Variants in NAA16 observed in about 807,000 individuals in gnomAD.
The protein encoded by NAA16 is NARG1-like protein.
A neutral mutation model predicts 110.3 loss-of-function variants in NAA16; 97 were observed. The observed-to-expected ratio is 0.88, with a 90% CI of 0.75 to 1.04. The LOEUF (loss-of-function observed/expected upper bound fraction) is 1.04. Among genes scored for constraint, NAA16 ranks in the 50% least tolerant of loss-of-function variants. The pLI is 0.00. For missense variants in NAA16, 1,017 were observed against 1,005.1 expected, an observed-to-expected ratio of 1.01 and a Z score of -0.16; for synonymous variants, 372 against 330.6, an observed-to-expected ratio of 1.13 and a Z score of -1.36.
chr13:41,374,004 C>A, intron 18 of NAA16: 2 of 509,774 alleles, frequency 3.9e-6, no homozygotes, highest in Non-Finnish European at 5.7e-6. Flanking sequence ...TTTGTGATAA[C>A]GGGCAAATAC....
intron 8 of NAA16, among the ~76,000 whole-genome samples, chr13:41,335,207 A>G (rs1379920464): frequency 1.3e-5 from 1 of 77,568 alleles, no homozygotes; most frequent in Non-Finnish European, 2.5e-5. Flanking sequence ...GAAAATATAA[A>G]AACTGTCAGA....
rs2043039674 is a variant in NAA16 at position 41,358,358 on chromosome 13, C to T, written c.1142C>T (p.Ala381Val). 2.5e-6 allele frequency: 4 copies of T among 1,613,926 alleles called. No individual in the cohort carries two copies. The East Asian group carries it at 6.7e-5, about 27-fold the overall frequency. The change falls in exon 11 of 20, where the codon GCA becomes GTA. Residue 381 changes from alanine (A) to valine (V), a missense_variant. Ala to Val is a moderately conservative substitution (Grantham distance 64, BLOSUM62 0). Transcript: ENST00000379406. The part of the protein sequence containing the change: ...TTLLWVQYFL[A>V]QHFDKLGQYS... ...CTACTCTGGGTTCAGTATTTCCTGG[C>T]ACAGCACTTTGATAAACTTGGACAG... is the stretch of plus-strand genomic sequence containing the variant.
At chr13:41,336,110 ATTTAC>A (rs1480599082) in intron 8 of NAA16, among the ~76,000 whole-genome samples, 3 of 152,124 alleles carry the variant, frequency 2.0e-5, no homozygotes, top group African/African-American at 2.4e-5. Context: ...TCTAACATAA[ATTTAC>A]TTTACTTTTA....
chr13:41,344,996 T>C (rs919225254), intron 9 of NAA16, among the ~76,000 whole-genome samples: 1 of 152,252 alleles, frequency 6.6e-6, no homozygotes, highest in African/African-American at 2.4e-5. Flanking sequence ...ATAGTCTTTT[T>C]GGGTCTGGCT....
intron 12 of NAA16, among the ~76,000 whole-genome samples, chr13:41,359,539 C>T (rs1322188107): frequency 6.6e-6 from 1 of 152,096 alleles, no homozygotes; most frequent in Admixed American, 6.5e-5. Context: ...AGCTCAGAAA[C>T]AGATTTCACA....
intron 9 of NAA16, among the ~76,000 whole-genome samples, chr13:41,341,387 T>C (rs1171846845): frequency 6.6e-6 from 1 of 152,216 alleles, no homozygotes; most frequent in East Asian, 1.9e-4. Context: ...GTTCTGGTAA[T>C]ATGTACTGTT....
chr13:41,349,513 T>G (rs1190795558), intron 9 of NAA16, among the ~76,000 whole-genome samples: 1 of 151,950 alleles, frequency 6.6e-6, no homozygotes, highest in Admixed American at 6.6e-5. Flanking sequence ...GTGCTATGTG[T>G]TACATATGTT....
chr13:41,370,491 T>A (rs2043294143), intron 15 of NAA16, among the ~76,000 whole-genome samples: 1 of 152,202 alleles, frequency 6.6e-6, no homozygotes, highest in South Asian at 2.1e-4. Context: ...CATGGCTGCC[T>A]TTTATCTATA....
intron 8 of NAA16, among the ~76,000 whole-genome samples, chr13:41,332,395 G>A (rs971990443): frequency 2.6e-5 from 4 of 152,002 alleles, no homozygotes; most frequent in East Asian, 3.9e-4. Flanking sequence ...GGAGTACTCC[G>A]GTATATATTC....
intron 3 of NAA16, among the ~76,000 whole-genome samples, chr13:41,319,840 G>C (rs151217096): frequency 9.4e-4 from 143 of 151,998 alleles, no homozygotes; most frequent in African/African-American, 3.4e-3. Flanking sequence ...TTTTTAAAGG[G>C]TGGAGCATTG....
intron 9 of NAA16, among the ~76,000 whole-genome samples, chr13:41,354,239 G>A (rs1566284603): frequency 6.6e-6 from 1 of 152,200 alleles, no homozygotes; most frequent in African/African-American, 2.4e-5. Flanking sequence ...GTTTTGACTA[G>A]TGTCTAGGAT....
chr13:41,311,618 C>A, intron 1 of NAA16, 36 bp downstream of exon 1: 1 of 1,585,364 alleles, frequency 6.3e-7, no homozygotes, highest in Admixed American at 1.8e-5. Context: ...GCCCCCCGGT[C>A]CCCGGGTCCT....
Position 41,367,462 on chromosome 13 carries a change from C to T in NAA16, c.1563C>T (p.Asp521=). Residue 521 remains aspartate (D), a synonymous_variant, in exon 14 of 20, where the codon GAC becomes GAT. Transcript: ENST00000379406. ...AGCATTTTTTTGAGATAACTGATGA[C>T]CAATTCGACTTCCATACATACTGCA... ...VERHFFEITD[D]QFDFHTYCMR... The T allele has an allele frequency of 6.3e-7, 1 of 1,598,270 alleles. No homozygotes were observed. Among genetic ancestry groups the T allele is most frequent in the Middle Eastern group, 1.7e-4 (1 of 6,030 alleles).
intron 9 of NAA16, among the ~76,000 whole-genome samples, chr13:41,353,796 CACACA>C (rs761715119): frequency 6.0e-5 from 9 of 149,030 alleles, no homozygotes; most frequent in African/African-American, 2.3e-4. Flanking sequence ...CACACACACA[CACACA>C]CCCCAAAACA....
intron 8 of NAA16, among the ~76,000 whole-genome samples, chr13:41,335,015 C>T (rs1438358562): frequency 1.3e-5 from 2 of 152,158 alleles, no homozygotes; most frequent in Admixed American, 6.6e-5. Flanking sequence ...AGTCCTGGAT[C>T]AGCACTTCAA....
chr13:41,327,191 G>A (rs1256406313), intron 6 of NAA16, among the ~76,000 whole-genome samples: 1 of 151,812 alleles, frequency 6.6e-6, no homozygotes, highest in African/African-American at 2.4e-5. Flanking sequence ...GAGTGATTTA[G>A]TTTTTATTGT....
chr13:41,357,002 G>A lies in NAA16; in HGVS notation c.1088-1302G>A, dbSNP rs547713510. On this transcript the variant is annotated intron_variant, in intron 10 of 19. Coordinates refer to ENST00000379406, the MANE Select transcript of NAA16 (RefSeq NM_024561.5). ...ATTGATAAAGATTCAGATGTTGTCA[G>A]CCTGTTATACTCATTAAAAAGGTCC... is the stretch of plus-strand genomic sequence containing the variant. Among the ~76,000 whole-genome samples, 10 of 152,272 alleles carry A rather than the reference G, an allele frequency of 6.6e-5. No homozygotes were observed. The East Asian group carries it at 1.9e-3, about 29-fold the overall frequency.
intron 13 of NAA16, 87 bp downstream of exon 13, chr13:41,362,246 A>G (rs995428684): frequency 8.6e-6 from 12 of 1,398,330 alleles, no homozygotes; most frequent in South Asian, 2.9e-5. Context: ...TGCCTCTTCT[A>G]ACTTCTCTGG....
rs373297343 is a variant in NAA16, at chr13:41,367,853, A to C, written c.1753+201A>C. Among the ~76,000 whole-genome samples the C allele has an allele frequency of 2.6e-3, 393 of 152,302 alleles. 2 individuals carry two copies. Among genetic ancestry groups the C allele is most frequent in the African/African-American group, 9.0e-3 (375 of 41,572 alleles). On this transcript the variant is annotated intron_variant, in intron 14 of 19. Coordinates refer to ENST00000379406, the MANE Select transcript of NAA16 (RefSeq NM_024561.5). Reference sequence around the variant, plus strand: ...TGATATTCTGTAGCTGATGGTTCTAAATTACTTTAATGGAACAACTTAGAA... The same window carrying C: ...TGATATTCTGTAGCTGATGGTTCTACATTACTTTAATGGAACAACTTAGAA...
Sources: gnomAD v4.1 joint callset for allele counts (sites outside exome capture counted in the v4.1 genomes callset) on GRCh38, gnomAD v4.1.1 for gene constraint, MANE v1.5 for transcripts, NCBI Gene and HGNC (gene_info 2026-07-23, HGNC 2026-07-21) for gene names.